The following GNA13 variants were observed in gnomAD, a reference collection of about 807,000 sequenced individuals.
GNA13 encodes the protein guanine nucleotide-binding protein subunit alpha-13.
Under a neutral mutation model 33.5 loss-of-function variants are expected in GNA13, and 4 were observed. That is an observed-to-expected ratio of 0.12 (90% CI 0.06 to 0.27). The LOEUF (loss-of-function observed/expected upper bound fraction) is 0.27. GNA13 is among the 10% of genes least tolerant of loss of function. The probability of loss-of-function intolerance (pLI) is 1.00; values close to 1 mark genes in which losing one functional copy is unlikely to be tolerated. For missense variants in GNA13, 319 were observed against 487.2 expected, an observed-to-expected ratio of 0.65 and a Z score of 3.25; for synonymous variants, 176 against 183.8, an observed-to-expected ratio of 0.96 and a Z score of 0.34.
intron 3 of GNA13, among the ~76,000 whole-genome samples, chr17:65,017,603 C>T (rs568613704): frequency 3.3e-5 from 5 of 152,294 alleles, no homozygotes; most frequent in South Asian, 2.1e-4. Flanking sequence ...CTGGCCACAG[C>T]GCCAGCTTAG....
chr17:65,040,582 G>A (rs775016127), intron 2 of GNA13, among the ~76,000 whole-genome samples: 7 of 152,096 alleles, frequency 4.6e-5, no homozygotes, highest in South Asian at 2.1e-4. Context: ...TTGGCTCACC[G>A]CAACCTCCAA....
rs1378327087 is a variant in GNA13, at chr17:65,056,706, C to G, written c.-113G>C. 4.5e-6 allele frequency: 3 copies of G among 661,854 alleles called. No homozygotes were observed. The highest frequency in any genetic ancestry group is 4.6e-5 in the South Asian group (1 of 21,944). 41.0% of individuals were successfully genotyped at this position (661,854 alleles called of 1,614,324 possible). On this transcript the variant is annotated 5_prime_UTR_variant, in exon 1 of 4. Transcript: ENST00000439174. ...GAGGGCGGGGAGCGCGGCGGCGGCCCGAGCGCGCCCAGGGAGGGAGGGAAC... is the reference window on the plus strand; with the variant it reads ...GAGGGCGGGGAGCGCGGCGGCGGCCGGAGCGCGCCCAGGGAGGGAGGGAAC...
At chr17:65,028,225 C>CAA (rs1413975955) in intron 2 of GNA13, among the ~76,000 whole-genome samples, 1 of 151,870 alleles carries the variant, frequency 6.6e-6, no homozygotes. Context: ...GACTCCGTCT[C>CAA]AAAAAACAAA....
In GNA13 at chr17:65,056,622, G is replaced by T. The variant is rs764830796; in HGVS notation, c.-29C>A. The T allele has an allele frequency of 4.4e-6, 7 of 1,588,208 alleles. No homozygotes were observed. Among genetic ancestry groups the T allele is most frequent in the South Asian group, 3.3e-5 (3 of 90,180 alleles). ...GCCGCCGCCGCCGCCGCCTCGGCGG[G>T]CCCCTCCGGCTCCCTCCACCTCCTC... is the stretch of plus-strand genomic sequence containing the variant. On this transcript the variant is annotated 5_prime_UTR_variant, in exon 1 of 4. Coordinates refer to ENST00000439174, the MANE Select transcript of GNA13 (RefSeq NM_006572.6).
At chr17:65,035,547 A>T (rs1907212603) in intron 2 of GNA13, among the ~76,000 whole-genome samples, 1 of 152,284 alleles carries the variant, frequency 6.6e-6, no homozygotes, top group East Asian at 1.9e-4. Flanking sequence ...TAAAATTTTA[A>T]ACTTAAAAAA....
Position 65,012,070 on chromosome 17 carries a change from G to A in GNA13, c.*2187C>T, listed in dbSNP as rs999740615. ...GATTCTGAGACATTACATGCAGCAG[G>A]GAAGAAAACTGCAAATGCCCAAAAT... On this transcript the variant is annotated 3_prime_UTR_variant, in exon 4 of 4. Coordinates refer to ENST00000439174, the MANE Select transcript of GNA13 (RefSeq NM_006572.6). The A allele has an allele frequency of 1.8e-5, 4 of 228,308 alleles. No individual in the cohort carries two copies. The highest frequency in any genetic ancestry group is 8.9e-5 in the African/African-American group (4 of 45,002). The allele number at this position is 228,308 out of a possible 1,614,324, so 14.1% of individuals were successfully genotyped here. A position where few individuals can be genotyped will look rare whatever the true frequency, so the allele number is the denominator to read the frequency against.
At chr17:65,028,955 AAAAAG>A (rs1390923233) in intron 2 of GNA13, among the ~76,000 whole-genome samples, 12 of 152,124 alleles carry the variant, frequency 7.9e-5, no homozygotes, top group Non-Finnish European at 1.6e-4. Context: ...AGGTAGAAAC[AAAAAG>A]AAAAAGAAAA....
chr17:65,043,291 ATT>A lies in GNA13; in HGVS notation c.510+10209_510+10210del, dbSNP rs5821633. Among the ~76,000 whole-genome samples the A allele has an allele frequency of 4.4e-3, 643 of 145,438 alleles. 5 individuals are homozygous for A. Among genetic ancestry groups the A allele is most frequent in the African/African-American group, 9.8e-3 (390 of 39,818 alleles). On this transcript the variant is annotated intron_variant, in intron 2 of 3. Transcript: ENST00000439174. The stretch of plus-strand genomic sequence containing the variant: ...TCATTAAGTTTGAACATGTTTATTA[ATT>A]TTTTTTTTTTTTGAGACAAGGTCTT...
chr17:65,016,599 TG>T (rs1906378600), intron 3 of GNA13, among the ~76,000 whole-genome samples: 1 of 152,180 alleles, frequency 6.6e-6, no homozygotes, highest in Non-Finnish European at 1.5e-5. Context: ...TGACCTCAAG[TG>T]ATCCTCCCGC....
chr17:65,020,629 A>G (rs1906548320), intron 2 of GNA13, among the ~76,000 whole-genome samples: 1 of 151,524 alleles, frequency 6.6e-6, no homozygotes, highest in Non-Finnish European at 1.5e-5. Flanking sequence ...TATTTTTCCC[A>G]GTTCATTTTA....
chr17:65,036,301 G>A (rs1044601060), intron 2 of GNA13, among the ~76,000 whole-genome samples: 12 of 152,234 alleles, frequency 7.9e-5, no homozygotes, highest in Admixed American at 3.9e-4. Flanking sequence ...CTGTTTCCAA[G>A]TCCCGATTTG....
At chr17:65,044,389 G>GTGAA (rs1907578142) in intron 2 of GNA13, among the ~76,000 whole-genome samples, 1 of 152,178 alleles carries the variant, frequency 6.6e-6, no homozygotes, top group Non-Finnish European at 1.5e-5. Context: ...ATAGACAAAG[G>GTGAA]TGAATAGTAT....
rs779049963 is a variant in GNA13, at chr17:65,014,460, C to G, written c.931G>C (p.Glu311Gln). Reference protein sequence around the residue: ...QIVSIKDYFLEFEGDPHCLRD... With the variant: ...QIVSIKDYFLQFEGDPHCLRD... ...AAGCAGTGGGGATCCCCTTCAAATT[C>G]TAGGAAATAGTCTTTGATGCTCACA... is the stretch of plus-strand genomic sequence containing the variant. Residue 311 changes from glutamate to glutamine, a missense_variant, in exon 4 of 4, where the codon GAA (glutamate) becomes CAA (glutamine). This residue lies in a region of GNA13 where 134 missense variants were observed against 241.3 expected (regional missense o/e 0.56). Coordinates refer to ENST00000439174, the MANE Select transcript of GNA13 (RefSeq NM_006572.6). The surrounding 1 kb of genome is among the most constrained non-coding windows in gnomAD (Gnocchi z 5.3). 6.2e-7 allele frequency: 1 copy of G among 1,613,950 alleles called. No homozygotes were observed. Among genetic ancestry groups the G allele is most frequent in the Non-Finnish European group, 8.5e-7 (1 of 1,179,956 alleles).
At chr17:65,017,615 G>A (rs1906415802) in intron 3 of GNA13, among the ~76,000 whole-genome samples, 1 of 152,186 alleles carries the variant, frequency 6.6e-6, no homozygotes, top group Non-Finnish European at 1.5e-5. Flanking sequence ...CCAGCTTAGA[G>A]CTGCTGGCTC....
In GNA13 at chr17:65,009,291, G is replaced by A. The variant is rs946022273; in HGVS notation, c.*4966C>T. ...AACTGTTAAATAACATCATAGTATT[G>A]AATTGTTTACAAATGTTTATTAAAT... On this transcript the variant is annotated 3_prime_UTR_variant, in exon 4 of 4. Transcript: ENST00000439174. 6.6e-6 allele frequency among the ~76,000 whole-genome samples: 1 copy of A among 152,126 alleles called. No individual in the cohort carries two copies. The highest frequency in any genetic ancestry group is 2.4e-5 in the African/African-American group (1 of 41,418).
At chr17:65,021,811 T>TA (rs1257846020) in intron 2 of GNA13, among the ~76,000 whole-genome samples, 11 of 152,252 alleles carry the variant, frequency 7.2e-5, no homozygotes, top group Non-Finnish European at 2.9e-5. Flanking sequence ...ATAAGGTTTA[T>TA]AGAGATGGGT....
At chr17:65,037,627 G>T (rs1907295760) in intron 2 of GNA13, among the ~76,000 whole-genome samples, 1 of 151,720 alleles carries the variant, frequency 6.6e-6, no homozygotes, top group Non-Finnish European at 1.5e-5. Flanking sequence ...AAGATGTAGA[G>T]ATTTCTCAAG....
chr17:65,039,995 T>C (rs890369177), intron 2 of GNA13, among the ~76,000 whole-genome samples: 2 of 152,192 alleles, frequency 1.3e-5, no homozygotes, highest in Non-Finnish European at 2.9e-5. Context: ...ACTTTTCATA[T>C]AGAATAAAAT....
chr17:65,049,335 G>A (rs1450593203), intron 2 of GNA13, among the ~76,000 whole-genome samples: 1 of 152,072 alleles, frequency 6.6e-6, no homozygotes. Context: ...CAGCCAGGCT[G>A]GTTTCCAACT....
Sources: allele counts gnomAD v4.1 joint callset (sites outside exome capture counted in the v4.1 genomes callset), GRCh38; gene constraint gnomAD v4.1.1; regional missense constraint gnomAD v4.1.1; non-coding constraint Gnocchi (gnomAD v3.1); transcripts MANE v1.5; gene names NCBI Gene and HGNC (gene_info 2026-07-23, HGNC 2026-07-21).